Variants in SLC35F1 observed in about 807,000 individuals in gnomAD.
SLC35F1 encodes solute carrier family 35 member F1.
A neutral mutation model predicts 48.7 loss-of-function variants in SLC35F1; 14 were observed. That is an observed-to-expected ratio of 0.29 (90% confidence interval 0.19 to 0.45). The LOEUF (loss-of-function observed/expected upper bound fraction) is 0.45, where lower values mean the gene tolerates loss of function less well. Among genes scored for constraint, SLC35F1 ranks in the 20% least tolerant of loss-of-function variants. The pLI is 1.00. For missense variants in SLC35F1, 404 were observed against 500.0 expected (o/e 0.81, Z 1.83); for synonymous variants, 190 against 202.2 (o/e 0.94, Z 0.51).
At chr6:118,188,265 C>T (rs1027658279) in intron 2 of SLC35F1, among the ~76,000 whole-genome samples, 5 of 152,180 alleles carry the variant, frequency 3.3e-5, no homozygotes, top group Admixed American at 2.6e-4. Flanking sequence ...ATAGGAAAAA[C>T]TAGGCCAGGC....
rs1367555757 is a variant in SLC35F1, at chr6:118,095,064, G to A, written c.174-59381G>A. 3.3e-5 allele frequency among the ~76,000 whole-genome samples: 5 copies of A among 152,266 alleles called. No homozygotes were observed. In the East Asian group the frequency reaches 5.8e-4, roughly 18 times the overall value. ...GGAGAATCACTTGAACCCAGGAGGCGGAGGCTGCAGTGAGCCAAGATTGTG... is the reference window on the plus strand; with the variant it reads ...GGAGAATCACTTGAACCCAGGAGGCAGAGGCTGCAGTGAGCCAAGATTGTG... On this transcript the variant is annotated intron_variant, in intron 1 of 7. Coordinates refer to ENST00000360388, the MANE Select transcript of SLC35F1 (RefSeq NM_001029858.4).
chr6:118,227,880 G>T (rs1449242891), intron 2 of SLC35F1, among the ~76,000 whole-genome samples: 1 of 152,138 alleles, frequency 6.6e-6, no homozygotes, highest in Non-Finnish European at 1.5e-5. Flanking sequence ...AACAAAATGA[G>T]AACGAACACA....
At chr6:118,080,721 T>A (rs1444683985) in intron 1 of SLC35F1, among the ~76,000 whole-genome samples, 1 of 151,998 alleles carries the variant, frequency 6.6e-6, no homozygotes, top group Admixed American at 6.6e-5. Context: ...ATAGTGGGAG[T>A]CCTTACTGTG....
intron 6 of SLC35F1, among the ~76,000 whole-genome samples, chr6:118,284,242 C>T (rs960297843): frequency 6.6e-6 from 1 of 152,186 alleles, no homozygotes; most frequent in Admixed American, 6.5e-5. Context: ...ATCAAGGATT[C>T]CTTTGGAAAG....
At chr6:118,302,181 G>A (rs1029049309) in intron 7 of SLC35F1, among the ~76,000 whole-genome samples, 9 of 152,038 alleles carry the variant, frequency 5.9e-5, no homozygotes, top group African/African-American at 1.4e-4. Context: ...ATAGTTTATG[G>A]TTTTCACTAC....
At chr6:118,188,435 A>C (rs1774689670) in intron 2 of SLC35F1, among the ~76,000 whole-genome samples, 1 of 152,010 alleles carries the variant, frequency 6.6e-6, no homozygotes, top group Non-Finnish European at 1.5e-5. Flanking sequence ...CTGTAATCCC[A>C]GCTACTCGGG....
At chr6:118,269,368 T>C (rs946357230) in intron 4 of SLC35F1, among the ~76,000 whole-genome samples, 1 of 152,192 alleles carries the variant, frequency 6.6e-6, no homozygotes, top group Non-Finnish European at 1.5e-5. Context: ...AGAATTAAGC[T>C]TTATCATTGT....
chr6:118,174,134 A>G (rs1193609675), intron 2 of SLC35F1, among the ~76,000 whole-genome samples: 1 of 152,192 alleles, frequency 6.6e-6, no homozygotes. Flanking sequence ...TTCAGTCTCT[A>G]CTGTTTTTTT....
intron 1 of SLC35F1, among the ~76,000 whole-genome samples, chr6:118,057,319 G>A (rs755841414): frequency 6.6e-6 from 1 of 152,134 alleles, no homozygotes; most frequent in East Asian, 1.9e-4. Flanking sequence ...AGTGCTGCAC[G>A]GGCAAGGGAT....
intron 1 of SLC35F1, among the ~76,000 whole-genome samples, chr6:118,145,910 G>A (rs1354810628): frequency 1.3e-5 from 2 of 152,084 alleles, no homozygotes; most frequent in East Asian, 3.8e-4. Context: ...CCTTTTTCCT[G>A]TTACGGTAAA....
chr6:118,014,604 A>C (rs1012474310), intron 1 of SLC35F1, among the ~76,000 whole-genome samples: 1 of 152,178 alleles, frequency 6.6e-6, no homozygotes, highest in East Asian at 1.9e-4. Flanking sequence ...TGGTCATGAC[A>C]GGAGGCAGCT....
chr6:118,289,247 T>C (rs571820555), intron 7 of SLC35F1, among the ~76,000 whole-genome samples: 54 of 152,338 alleles, frequency 3.5e-4, no homozygotes, highest in Non-Finnish European at 6.0e-4. Flanking sequence ...ACCAGTCACC[T>C]GGTGAAGGAC....
rs1010702216 is a variant in SLC35F1, at chr6:118,091,391, T to C, written c.174-63054T>C. ...GGGACAGGTTTTTCCCATGCTGTTCTTGTGATAATGAACAAGTCTCATGGG... is the reference window on the plus strand; with the variant it reads ...GGGACAGGTTTTTCCCATGCTGTTCCTGTGATAATGAACAAGTCTCATGGG... On this transcript the variant is annotated intron_variant, in intron 1 of 7. Coordinates refer to ENST00000360388, the MANE Select transcript of SLC35F1 (RefSeq NM_001029858.4). 2.0e-5 allele frequency among the ~76,000 whole-genome samples: 3 copies of C among 152,296 alleles called. No homozygotes were observed. The East Asian group carries it at 5.8e-4, about 29-fold the overall frequency.
At chr6:117,988,241 T>C (rs1776873238) in intron 1 of SLC35F1, among the ~76,000 whole-genome samples, 3 of 152,212 alleles carry the variant, frequency 2.0e-5, no homozygotes, top group South Asian at 4.1e-4. Flanking sequence ...GAATTTCTTG[T>C]GTTTGAATCA....
intron 1 of SLC35F1, among the ~76,000 whole-genome samples, chr6:117,978,169 G>A (rs1776728310): frequency 1.3e-5 from 2 of 152,080 alleles, no homozygotes; most frequent in South Asian, 4.1e-4. Context: ...CTCCAAAGCA[G>A]TAAAGTGGTG....
At chr6:117,914,332 A>G (rs1775802035) in intron 1 of SLC35F1, among the ~76,000 whole-genome samples, 1 of 152,094 alleles carries the variant, frequency 6.6e-6, no homozygotes, top group South Asian at 2.1e-4. Flanking sequence ...AATAAATTCC[A>G]TTTAAAAAAA....
At chr6:118,089,615 C>T (rs895188077) in intron 1 of SLC35F1, among the ~76,000 whole-genome samples, 1 of 152,180 alleles carries the variant, frequency 6.6e-6, no homozygotes, top group Non-Finnish European at 1.5e-5. Flanking sequence ...AAATCAACAA[C>T]ACACACAAAG....
chr6:118,170,260 A>G (rs1239830663), intron 2 of SLC35F1, among the ~76,000 whole-genome samples: 2 of 152,186 alleles, frequency 1.3e-5, no homozygotes. Context: ...CCTTAATAAA[A>G]ATCTTTGAAT....
chr6:117,922,969 C>G (rs1775919399), intron 1 of SLC35F1, among the ~76,000 whole-genome samples: 1 of 152,144 alleles, frequency 6.6e-6, no homozygotes, highest in African/African-American at 2.4e-5. Flanking sequence ...TAGAGATCAT[C>G]TTTGCTATCT....
Sources: gnomAD v4.1 joint callset for allele counts (sites outside exome capture counted in the v4.1 genomes callset) on GRCh38, gnomAD v4.1.1 for gene constraint, MANE v1.5 for transcripts, NCBI Gene and HGNC (gene_info 2026-07-23, HGNC 2026-07-21) for gene names.